ATP8A1: variants seen among roughly 807,000 people sequenced by gnomAD.
The protein encoded by ATP8A1 is ATPase phospholipid transporting 8A1.
In ATP8A1, 90 loss-of-function variants were observed where a neutral mutation model predicts 177.7. That is an observed-to-expected ratio of 0.51 (90% CI 0.43 to 0.60). The LOEUF is 0.60. Ranked by LOEUF, ATP8A1 falls within the 20% of genes least tolerant of loss-of-function variation. The pLI is 0.00. For missense variants in ATP8A1, 1,072 were observed against 1,392.8 expected (o/e 0.77, Z 3.67); for synonymous variants, 493 against 485.9 (o/e 1.01, Z -0.19).
intron 27 of ATP8A1, among the ~76,000 whole-genome samples, chr4:42,463,379 C>T (rs1044557647): frequency 6.6e-6 from 1 of 152,198 alleles, no homozygotes; most frequent in Admixed American, 6.5e-5. Context: ...TTCCCCTGCA[C>T]AAGCTCTCTT....
chr4:42,489,006 C>G (rs567287018), intron 24 of ATP8A1, among the ~76,000 whole-genome samples: 9 of 152,254 alleles, frequency 5.9e-5, no homozygotes, highest in South Asian at 2.1e-4. Flanking sequence ...CCTTTATTAT[C>G]ACTTCTGATT....
intron 25 of ATP8A1, among the ~76,000 whole-genome samples, chr4:42,477,022 T>C (rs1459826729): frequency 6.6e-6 from 1 of 152,222 alleles, no homozygotes; most frequent in African/African-American, 2.4e-5. Flanking sequence ...ACAGCAATTA[T>C]TGTCTTTTGA....
At chr4:42,604,316 T>A (rs1735583284) in intron 5 of ATP8A1, among the ~76,000 whole-genome samples, 1 of 152,212 alleles carries the variant, frequency 6.6e-6, no homozygotes, top group Non-Finnish European at 1.5e-5. Flanking sequence ...TATACTTAAT[T>A]AAACAGGATT....
At chr4:42,575,949 A>G (rs1214319296) in intron 12 of ATP8A1, among the ~76,000 whole-genome samples, 2 of 152,120 alleles carry the variant, frequency 1.3e-5, no homozygotes, top group African/African-American at 4.8e-5. Context: ...GAATCATGCA[A>G]TCTAGGTTTA....
chr4:42,597,864 A>G (rs1477336052), intron 6 of ATP8A1, among the ~76,000 whole-genome samples: 1 of 152,154 alleles, frequency 6.6e-6, no homozygotes, highest in Non-Finnish European at 1.5e-5. Context: ...TATTTATTGA[A>G]TAGGTAGCAA....
intron 21 of ATP8A1, among the ~76,000 whole-genome samples, chr4:42,523,942 C>G (rs552101835): frequency 3.9e-5 from 6 of 152,034 alleles, no homozygotes; most frequent in Non-Finnish European, 8.8e-5. Flanking sequence ...CCTGAATTAA[C>G]GGGAAAAAGT....
At chr4:42,656,541 G>A (rs1055011354) in intron 1 of ATP8A1, among the ~76,000 whole-genome samples, 2 of 152,156 alleles carry the variant, frequency 1.3e-5, no homozygotes, top group African/African-American at 2.4e-5. Flanking sequence ...AGGTGGGCAG[G>A]GCGAGTGAGC....
intron 22 of ATP8A1, among the ~76,000 whole-genome samples, chr4:42,510,022 C>T (rs1724851820): frequency 6.6e-6 from 1 of 152,136 alleles, no homozygotes; most frequent in Non-Finnish European, 1.5e-5. Context: ...GGGACCACGT[C>T]TTGCTCATCT....
intron 29 of ATP8A1, among the ~76,000 whole-genome samples, chr4:42,453,288 T>C (rs1236078360): frequency 6.6e-6 from 1 of 152,222 alleles, no homozygotes; most frequent in Non-Finnish European, 1.5e-5. Flanking sequence ...TGTATACAAC[T>C]GTGCATTTTG....
intron 1 of ATP8A1, among the ~76,000 whole-genome samples, chr4:42,652,499 C>T (rs76429839): frequency 0.019 from 2,934 of 151,650 alleles, 33 homozygotes; most frequent in Middle Eastern, 0.054. Flanking sequence ...TTGCTTTTTT[C>T]AAAAAAGTCC....
Position 42,564,424 on chromosome 4 carries a change from G to A in ATP8A1, c.1340+4737C>T, listed in dbSNP as rs550194659. 9.8e-5 allele frequency among the ~76,000 whole-genome samples: 15 copies of A among 152,322 alleles called. No individual in the cohort carries two copies. In the East Asian group the frequency reaches 2.1e-3, roughly 22 times the overall value. ...CAGGAGGGAGGCTGTACCCTGCAGAGCTACAGGGGTGGAGCTGCCCAAGGC... is the reference window on the plus strand; with the variant it reads ...CAGGAGGGAGGCTGTACCCTGCAGAACTACAGGGGTGGAGCTGCCCAAGGC... On this transcript the variant is annotated intron_variant, in intron 15 of 36. Transcript: ENST00000381668.
chr4:42,473,166 T>A (rs987273538), intron 25 of ATP8A1, among the ~76,000 whole-genome samples: 2 of 152,170 alleles, frequency 1.3e-5, no homozygotes, highest in African/African-American at 4.8e-5. Context: ...ATTCAAGTAT[T>A]TACTTAAGTA....
At chr4:42,605,916 A>G (rs1401305266) in intron 5 of ATP8A1, among the ~76,000 whole-genome samples, 1 of 152,234 alleles carries the variant, frequency 6.6e-6, no homozygotes, top group East Asian at 1.9e-4. Flanking sequence ...CCAGCAAGAC[A>G]GGTATGTATA....
At chr4:42,458,222 A>G (rs1166531191) in intron 27 of ATP8A1, among the ~76,000 whole-genome samples, 1 of 152,128 alleles carries the variant, frequency 6.6e-6, no homozygotes, top group Non-Finnish European at 1.5e-5. Flanking sequence ...TCCCAAACAC[A>G]TAAAAGTACC....
intron 25 of ATP8A1, among the ~76,000 whole-genome samples, chr4:42,466,070 T>C (rs1380164049): frequency 7.8e-6 from 1 of 128,550 alleles, no homozygotes; most frequent in African/African-American, 2.9e-5. Context: ...GAATAAACAC[T>C]AGGACAAGGA....
chr4:42,656,667 G>A (rs1037449661), intron 1 of ATP8A1, among the ~76,000 whole-genome samples, 158 bp downstream of exon 1: 6 of 152,288 alleles, frequency 3.9e-5, no homozygotes, highest in Non-Finnish European at 8.8e-5. Flanking sequence ...TACACTGGGG[G>A]CAGCGCGGGG....
intron 25 of ATP8A1, among the ~76,000 whole-genome samples, chr4:42,467,413 G>C (rs1719889764): frequency 6.6e-6 from 1 of 152,210 alleles, no homozygotes; most frequent in African/African-American, 2.4e-5. Flanking sequence ...TGGATGACTG[G>C]CTGGGCGTAG....
intron 15 of ATP8A1, among the ~76,000 whole-genome samples, chr4:42,568,026 A>C (rs1261037975): frequency 6.6e-6 from 1 of 152,220 alleles, no homozygotes; most frequent in Non-Finnish European, 1.5e-5. Flanking sequence ...ACTACTTCTC[A>C]AAGGATTAAA....
At chr4:42,613,786 G>A (rs886711336) in intron 5 of ATP8A1, among the ~76,000 whole-genome samples, 6 of 151,954 alleles carry the variant, frequency 3.9e-5, no homozygotes. Context: ...GTTTTGCCAT[G>A]TTGGTCAGGC....
Sources: gnomAD v4.1 joint callset for allele counts (sites outside exome capture counted in the v4.1 genomes callset) on GRCh38, gnomAD v4.1.1 for gene constraint, MANE v1.5 for transcripts, NCBI Gene and HGNC (gene_info 2026-07-23, HGNC 2026-07-21) for gene names.